The following ZNF335 variants were observed in gnomAD, a reference collection of about 807,000 sequenced individuals.
The protein encoded by ZNF335 is zinc finger protein 335, also known as NRC-interacting factor 1.
A neutral mutation model predicts 145.6 loss-of-function variants in ZNF335; 84 were observed. The ratio of observed to expected loss-of-function variants is 0.58; its 90% CI spans 0.48 to 0.69. ZNF335 has a LOEUF of 0.69. Ranked by LOEUF, ZNF335 falls within the 30% of genes least tolerant of loss-of-function variation. The pLI is 0.00. For missense variants in ZNF335, 1,865 were observed against 1,809.7 expected (o/e 1.03, Z -0.55); for synonymous variants, 761 against 717.0 (o/e 1.06, Z -0.98).
intron 26 of ZNF335, 38 bp downstream of exon 26, chr20:45,949,295 C>T (rs2083583154): frequency 6.2e-7 from 1 of 1,613,906 alleles, no homozygotes; most frequent in African/African-American, 1.3e-5. Flanking sequence ...GAGAAACCTG[C>T]CTGTGCCCCA....
At position 45,950,435 on chromosome 20, in the gene ZNF335, A is replaced by G. The variant is rs989937022; in HGVS notation, c.3332+18T>C. ...CATACATGCCCAGCAGTCCCCACCC[A>G]CCAGTATCTGGCCTCACCGCTGCCC... On this transcript the variant is annotated intron_variant, in intron 21 of 27. Coordinates refer to ENST00000322927, the MANE Select transcript of ZNF335 (RefSeq NM_022095.4). 4.3e-6 allele frequency: 7 copies of G among 1,613,970 alleles called. No individual in the cohort carries two copies. The highest frequency in any genetic ancestry group is 2.7e-5 in the African/African-American group (2 of 74,918).
At chr20:45,968,102 C>G in intron 4 of ZNF335, 75 bp from the exon 5 acceptor site, 2 of 1,583,170 alleles carry the variant, frequency 1.3e-6, no homozygotes, top group African/African-American at 2.7e-5. Context: ...CTACCCCTCC[C>G]AGGCAGGCCC....
At chr20:45,972,001 A>G (rs1031894210) in intron 1 of ZNF335, 121 bp downstream of exon 1, 1 of 1,189,144 alleles carries the variant, frequency 8.4e-7, no homozygotes, top group Non-Finnish European at 1.1e-6. Flanking sequence ...AGGGCCTGGG[A>G]CCCCGGGGCC....
chr20:45,967,201 A>G, intron 6 of ZNF335: 1 of 419,264 alleles, frequency 2.4e-6, no homozygotes, highest in Non-Finnish European at 4.4e-6. Context: ...AACGATCATG[A>G]TGCTACACTC....
intron 3 of ZNF335, 127 bp downstream of exon 3, chr20:45,969,324 T>A (rs1341850583): frequency 1.7e-6 from 2 of 1,171,314 alleles, no homozygotes; most frequent in East Asian, 5.6e-5. Flanking sequence ...GAGACAGGGG[T>A]GACTGTTCCC....
chr20:45,969,661 C>T lies in ZNF335; in HGVS notation c.232G>A (p.Asp78Asn). The T allele has an allele frequency of 6.2e-7, 1 of 1,612,084 alleles. No individual in the cohort carries two copies. Among genetic ancestry groups the T allele is most frequent in the Admixed American group, 1.7e-5 (1 of 59,976 alleles). ...EEVSESSSSA[D>N]PLPNSYLPDS... ...GGGAGGTAGCTATTAGGCAGGGGGT[C>T]TGCGCTCGAGCTGCTCTCAGATACC... is the stretch of plus-strand genomic sequence containing the variant. The change falls in exon 3 of 28, where the codon GAC becomes AAC. Residue 78 changes from aspartate (D) to asparagine (N), a missense_variant. Coordinates refer to ENST00000322927, the MANE Select transcript of ZNF335 (RefSeq NM_022095.4).
Position 45,948,973 on chromosome 20 carries a change from TGAC to T in ZNF335, c.4006_4008del (p.Val1336del). 7 of 1,613,918 alleles carry T rather than the reference TGAC, an allele frequency of 4.3e-6. No individual in the cohort carries two copies. Among genetic ancestry groups the T allele is most frequent in the South Asian group, 1.1e-5 (1 of 91,086 alleles). ...GGGGCTCAGTCATCGGCCAGGGTGA[TGAC>T]GTCGTACTCGATGCCCTGGTGCTGC... On this transcript the variant is annotated inframe_deletion, in exon 28 of 28. Transcript: ENST00000322927.
At position 45,967,991 on chromosome 20, in the gene ZNF335, A is replaced by G. The variant is rs1193798227; in HGVS notation, c.557T>C (p.Leu186Ser). The G allele has an allele frequency of 1.2e-6, 2 of 1,612,648 alleles. No homozygotes were observed. Among genetic ancestry groups the G allele is most frequent in the South Asian group, 2.2e-5 (2 of 91,078 alleles). Residue 186 changes from leucine (L) to serine (S), a missense_variant, in exon 5 of 28, where the codon TTG becomes TCG. Physicochemically the swap from Leu to Ser is moderately radical, Grantham distance 145. Coordinates refer to ENST00000322927, the MANE Select transcript of ZNF335 (RefSeq NM_022095.4). Reference protein sequence around the residue: ...PMTSPMSSSTLAHSLAAIEAL... With the variant: ...PMTSPMSSSTSAHSLAAIEAL... ...CTCAATGGCTGCTAGGCTGTGGGCCAAGGTGGAACTGGACATTGGTGATGT... is the reference window on the plus strand; with the variant it reads ...CTCAATGGCTGCTAGGCTGTGGGCCGAGGTGGAACTGGACATTGGTGATGT...
At chr20:45,964,420 C>G (rs978447110) in intron 7 of ZNF335, 59 of 162,172 alleles carry the variant, frequency 3.6e-4, no homozygotes, top group African/African-American at 1.3e-3. Context: ...TGCTTTAACA[C>G]TGGCATTCCC....
At chr20:45,955,723 G>A (rs2083716662) in intron 17 of ZNF335, among the ~76,000 whole-genome samples, 1 of 151,396 alleles carries the variant, frequency 6.6e-6, no homozygotes, top group Admixed American at 6.6e-5. Context: ...AGGAGGCCGA[G>A]GTAGGACAAT....
chr20:45,969,487 T>A lies in ZNF335; in HGVS notation c.406A>T (p.Ile136Phe). The A allele has an allele frequency of 2.6e-6, 4 of 1,562,500 alleles. No individual in the cohort carries two copies. The highest frequency in any genetic ancestry group is 3.5e-6 in the Non-Finnish European group (4 of 1,143,940). ...SSDLGSAIDKIIESTIGPDLI... is the reference protein window; with the variant it reads ...SSDLGSAIDKFIESTIGPDLI... ...TCGGGCCCGATGGTGGACTCGATGA[T>A]CTTGTCGATGGCCGAGCCCAGGTCC... The change falls in exon 3 of 28, where the codon ATC (isoleucine) becomes TTC (phenylalanine). Residue 136 changes from isoleucine (I) to phenylalanine (F), a missense_variant. Ile to Phe is a conservative substitution (Grantham distance 21, BLOSUM62 0). Transcript: ENST00000322927.
In ZNF335 at chr20:45,952,335, C is replaced by T. The variant is rs2083649099; in HGVS notation, c.3001G>A (p.Gly1001Ser). The change falls in exon 20 of 28, where the codon GGC (glycine) becomes AGC (serine). Residue 1001 changes from glycine to serine, a missense_variant. Coordinates refer to ENST00000322927, the MANE Select transcript of ZNF335 (RefSeq NM_022095.4). The stretch of plus-strand genomic sequence containing the variant: ...GGCGGTGACGGGGGCACTGCCAGGC[C>T]CAGGGCTTTGCTGGTTGCAGGAGGT... ...SSPPATSKAL[G>S]LAVPPSPPSA... The T allele has an allele frequency of 1.9e-6, 3 of 1,613,258 alleles. No homozygotes were observed. The highest frequency in any genetic ancestry group is 2.5e-6 in the Non-Finnish European group (3 of 1,179,866).
chr20:45,948,754 C>T lies in ZNF335; in HGVS notation c.*199G>A. The T allele has an allele frequency of 1.3e-6, 1 of 750,904 alleles. No individual in the cohort carries two copies. The highest frequency in any genetic ancestry group is 2.1e-6 in the Non-Finnish European group (1 of 468,874). 46.5% of individuals were successfully genotyped at this position (750,904 alleles called of 1,614,324 possible). ...TTCTCTCCCAAAGCCTGCCTGCAGG[C>T]TGGGGCACCCAGCATGTCCTGGCTG... On this transcript the variant is annotated 3_prime_UTR_variant, in exon 28 of 28. Transcript: ENST00000322927.
rs373445422 is a variant in ZNF335 at position 45,949,583 on chromosome 20, G to A, written c.3670-15C>T. The A allele has an allele frequency of 3.4e-5, 54 of 1,601,602 alleles. No homozygotes were observed. The highest frequency in any genetic ancestry group is 4.4e-5 in the Non-Finnish European group (52 of 1,175,116). ...ATATACTGCACCTGTTGGTGGGGGGGGCGGGCATGGCGAGGCAGGTGCTGA... is the reference window on the plus strand; with the variant it reads ...ATATACTGCACCTGTTGGTGGGGGGAGCGGGCATGGCGAGGCAGGTGCTGA... On this transcript the variant is annotated splice_polypyrimidine_tract_variant and intron_variant, in intron 24 of 27. Transcript: ENST00000322927.
chr20:45,949,431 G>GA, intron 25 of ZNF335, 33 bp from the exon 26 acceptor site: 5 of 1,614,012 alleles, frequency 3.1e-6, no homozygotes, highest in Non-Finnish European at 4.2e-6. Context: ...TGATCCTAGG[G>GA]AGAGGTCATG....
At chr20:45,971,574 C>T in intron 1 of ZNF335, 114 bp from the exon 2 acceptor site, 6 of 1,449,174 alleles carry the variant, frequency 4.1e-6, no homozygotes, top group East Asian at 2.5e-5. Context: ...GATTGAGTCT[C>T]CGACGGGGCG....
Position 45,952,646 on chromosome 20 carries a change from G to A in ZNF335, c.2766C>T (p.Gly922=). The A allele has an allele frequency of 1.2e-6, 2 of 1,613,918 alleles. No homozygotes were observed. The highest frequency in any genetic ancestry group is 1.3e-5 in the African/African-American group (1 of 75,050). ...VVVSDTLKEA[G]THYIMATDGT... ...CATCAGTAGCCATGATGTAGTGGGTGCCAGCTTCTTTTAGGGTGTCACTCA... is the reference window on the plus strand; with the variant it reads ...CATCAGTAGCCATGATGTAGTGGGTACCAGCTTCTTTTAGGGTGTCACTCA... Residue 922 remains glycine, a synonymous_variant, in exon 19 of 28, where the codon GGC becomes GGT. Coordinates refer to ENST00000322927, the MANE Select transcript of ZNF335 (RefSeq NM_022095.4).
intron 3 of ZNF335, 103 bp downstream of exon 3, chr20:45,969,348 C>A: frequency 7.4e-7 from 1 of 1,355,692 alleles, no homozygotes; most frequent in Non-Finnish European, 9.6e-7. Flanking sequence ...CTGCACATTC[C>A]ACATGGGAAA....
At position 45,967,754 on chromosome 20, in the gene ZNF335, C is replaced by T. The variant is rs1332351046; in HGVS notation, c.794G>A (p.Arg265Gln). Residue 265 changes from arginine to glutamine, a missense_variant, in exon 5 of 28, where the codon CGG becomes CAG. Arg to Gln is a conservative substitution (Grantham distance 43). Coordinates refer to ENST00000322927, the MANE Select transcript of ZNF335 (RefSeq NM_022095.4). ...CGCACCTGGACGGAAGTGGCGTTCC[C>T]GCATGTGGCGCAGCAGTGTGGCCTT... Reference protein sequence around the residue: ...STKATLLRHMRERHFRPVAAA... With the variant: ...STKATLLRHMQERHFRPVAAA... 8.1e-6 allele frequency: 13 copies of T among 1,611,734 alleles called. No individual in the cohort carries two copies. The highest frequency in any genetic ancestry group is 8.0e-5 in the African/African-American group (6 of 74,896).
Sources: gnomAD v4.1 joint callset for allele counts (sites outside exome capture counted in the v4.1 genomes callset) on GRCh38, gnomAD v4.1.1 for gene constraint, MANE v1.5 for transcripts, NCBI Gene and HGNC (gene_info 2026-07-23, HGNC 2026-07-21) for gene names.